The following MICOS10 variants were observed in gnomAD, a reference collection of about 807,000 sequenced individuals.
MICOS10 encodes the protein MICOS complex subunit MIC10.
In MICOS10, 5 loss-of-function variants were observed where a neutral mutation model predicts 13.4. That is an observed-to-expected ratio of 0.37 (90% CI 0.20 to 0.78). The LOEUF (loss-of-function observed/expected upper bound fraction) is 0.78. Ranked by LOEUF, MICOS10 falls within the 30% of genes least tolerant of loss-of-function variation. MICOS10 has a pLI of 0.47. For missense variants in MICOS10, 101 were observed against 94.6 expected (o/e 1.07, Z -0.28); for synonymous variants, 35 against 33.6 (o/e 1.04, Z -0.15).
chr1:19,622,756 C>T (rs1161987156), intron 2 of MICOS10, among the ~76,000 whole-genome samples: 3 of 152,074 alleles, frequency 2.0e-5, no homozygotes, highest in African/African-American at 7.2e-5. Context: ...TAAATAAACC[C>T]CATGACTTAC....
chr1:19,616,660 G>T (rs1307612325), intron 1 of MICOS10, among the ~76,000 whole-genome samples: 1 of 152,160 alleles, frequency 6.6e-6, no homozygotes, highest in African/African-American at 2.4e-5. Flanking sequence ...ACACGTTGTT[G>T]TATGTAACAA....
intron 1 of MICOS10, among the ~76,000 whole-genome samples, chr1:19,602,176 G>A (rs973464274): frequency 6.6e-6 from 1 of 152,092 alleles, no homozygotes; most frequent in African/African-American, 2.4e-5. Flanking sequence ...ATCCCCTAAC[G>A]CCTGGTTTAG....
intron 3 of MICOS10, among the ~76,000 whole-genome samples, chr1:19,624,554 C>T (rs2094915844): frequency 6.6e-6 from 1 of 152,186 alleles, no homozygotes; most frequent in Non-Finnish European, 1.5e-5. Context: ...TCCCAAAGTG[C>T]TGGGATTATA....
chr1:19,623,552 C>T lies in MICOS10; in HGVS notation c.191C>T (p.Ala64Val), dbSNP rs1311009234. 6.2e-7 allele frequency: 1 copy of T among 1,612,460 alleles called. No individual in the cohort carries two copies. The highest frequency in any genetic ancestry group is 1.3e-5 in the African/African-American group (1 of 74,846). Residue 64 changes from alanine to valine, a missense_variant, in exon 3 of 4, where the codon GCT (alanine) becomes GTT (valine). Ala to Val is a moderately conservative substitution (Grantham distance 64). Coordinates refer to ENST00000322753, the MANE Select transcript of MICOS10 (RefSeq NM_001032363.4). Reference protein sequence around the residue: ...AYSNCQHDFQAPYLLHGKYVK... With the variant: ...AYSNCQHDFQVPYLLHGKYVK... Reference sequence around the variant, plus strand: ...TCCAACTGTCAGCATGATTTCCAGGCTCCATATCTTCTACATGGAAAATAT... The same window carrying T: ...TCCAACTGTCAGCATGATTTCCAGGTTCCATATCTTCTACATGGAAAATAT...
At chr1:19,597,805 C>T (rs981965475) in intron 1 of MICOS10, 1 of 152,184 alleles carries the variant, frequency 6.6e-6, no homozygotes, top group Non-Finnish European at 1.5e-5. Flanking sequence ...CGTATATTGT[C>T]TTCATTGTGC....
intron 2 of MICOS10, among the ~76,000 whole-genome samples, chr1:19,622,957 C>T (rs2094909161): frequency 7.5e-6 from 1 of 133,520 alleles, no homozygotes. Flanking sequence ...GAGTCTTGCT[C>T]TGTCGCCAGG....
chr1:19,625,494 GGGACCA>G, intron 3 of MICOS10: 4 of 1,289,444 alleles, frequency 3.1e-6, no homozygotes, highest in Non-Finnish European at 4.0e-6. Context: ...GGTCATCACA[GGGACCA>G]TGCAAGAAGA....
chr1:19,607,928 G>A (rs532375670), intron 1 of MICOS10, among the ~76,000 whole-genome samples: 27 of 151,396 alleles, frequency 1.8e-4, no homozygotes, highest in African/African-American at 6.5e-4. Flanking sequence ...TGGTCAATTC[G>A]TTTTTGACAA....
intron 3 of MICOS10, chr1:19,625,398 C>G (rs909787885): frequency 1.6e-6 from 2 of 1,289,064 alleles, no homozygotes; most frequent in African/African-American, 3.0e-5. Flanking sequence ...TTAGAACCTG[C>G]TGAAACCGTC....
At chr1:19,597,877 CAGCT>C (rs1380254143) in intron 1 of MICOS10, 1 of 152,200 alleles carries the variant, frequency 6.6e-6, no homozygotes, top group Non-Finnish European at 1.5e-5. Flanking sequence ...CCCACGGTCA[CAGCT>C]AACAAATGGC....
intron 2 of MICOS10, 100 bp downstream of exon 2, chr1:19,622,247 T>C: frequency 1.1e-6 from 1 of 882,038 alleles, no homozygotes; most frequent in South Asian, 1.7e-5. Flanking sequence ...AATTTGTGGG[T>C]TGCCAACCCA....
At chr1:19,607,972 C>A in intron 1 of MICOS10, 1 of 605,344 alleles carries the variant, frequency 1.7e-6, no homozygotes, top group Non-Finnish European at 3.0e-6. Context: ...ATCTTTTCAA[C>A]AAACCATGCT....
At chr1:19,623,656 G>A in intron 3 of MICOS10, 73 bp downstream of exon 3, 4 of 1,086,418 alleles carry the variant, frequency 3.7e-6, no homozygotes, top group Non-Finnish European at 5.5e-6. Flanking sequence ...GAATTCTTTA[G>A]ACTGTTTGTA....
intron 1 of MICOS10, chr1:19,597,784 C>T (rs1211801382): frequency 6.6e-6 from 1 of 152,142 alleles, no homozygotes; most frequent in African/African-American, 2.4e-5. Flanking sequence ...AAAGGAAACT[C>T]GTTTATTGAG....
intron 1 of MICOS10, among the ~76,000 whole-genome samples, chr1:19,616,137 A>G (rs1249122531): frequency 6.6e-6 from 1 of 152,110 alleles, no homozygotes; most frequent in African/African-American, 2.4e-5. Context: ...GCTGGTCTCG[A>G]ACTCCTGACC....
intron 1 of MICOS10, chr1:19,608,545 G>T (rs1305222764): frequency 3.2e-6 from 3 of 951,034 alleles, no homozygotes; most frequent in South Asian, 1.3e-5. Flanking sequence ...TCAGGAAGGG[G>T]GTCACCGTGG....
intron 1 of MICOS10, among the ~76,000 whole-genome samples, chr1:19,608,927 C>T (rs2094846900): frequency 6.6e-6 from 1 of 151,236 alleles, no homozygotes; most frequent in East Asian, 1.9e-4. Context: ...TACTTCTGGC[C>T]TCAAGCAATC....
At chr1:19,617,252 A>G in intron 1 of MICOS10, 1 of 984,410 alleles carries the variant, frequency 1.0e-6, no homozygotes, top group Non-Finnish European at 1.2e-6. Flanking sequence ...TGCTTGTTCT[A>G]ATCAGAATCC....
At chr1:19,625,596 T>C (rs1463198571) in intron 3 of MICOS10, 1 of 1,289,434 alleles carries the variant, frequency 7.8e-7, no homozygotes, top group Non-Finnish European at 1.0e-6. Context: ...GAGCTGATTG[T>C]GGGGAGAACC....
Sources: allele counts gnomAD v4.1 joint callset (sites outside exome capture counted in the v4.1 genomes callset), GRCh38; gene constraint gnomAD v4.1.1; transcripts MANE v1.5; gene names NCBI Gene and HGNC (gene_info 2026-07-23, HGNC 2026-07-21).